Variants in XKR5 observed in about 807,000 individuals in gnomAD.
XKR5 encodes the protein XK-related protein 5.
In XKR5, 46 loss-of-function variants were observed where a neutral mutation model predicts 40.8. The ratio of observed to expected loss-of-function variants is 1.13; its 90% CI spans 0.89 to 1.44. The LOEUF (loss-of-function observed/expected upper bound fraction) is 1.44. Ranked by LOEUF, XKR5 falls within the 40% of genes most tolerant of loss-of-function variation. The pLI is 0.00. For missense variants in XKR5, 1,169 were observed against 844.7 expected (o/e 1.38, Z -4.76); for synonymous variants, 466 against 356.1 (o/e 1.31, Z -3.48).
intron 6 of XKR5, among the ~76,000 whole-genome samples, chr8:6,815,243 G>C (rs1054246462): frequency 6.6e-6 from 1 of 152,200 alleles, no homozygotes. Context: ...ATCACCGTGG[G>C]TGTGACACAG....
At chr8:6,829,740 C>T (rs28715575) in intron 2 of XKR5, among the ~76,000 whole-genome samples, 102 of 151,124 alleles carry the variant, frequency 6.7e-4, no homozygotes, top group African/African-American at 2.4e-3. Context: ...TGGTTTAGAA[C>T]TCCTGGCCTC....
rs1400510658 is a variant in XKR5, at chr8:6,811,269, TA to T, written c.1989del (p.Lys664SerfsTer15). 1.3e-6 allele frequency: 2 copies of T among 1,537,284 alleles called. No individual in the cohort carries two copies. The highest frequency in any genetic ancestry group is 1.7e-6 in the Non-Finnish European group (2 of 1,146,922). On this transcript the variant is annotated frameshift_variant, in exon 7 of 7. Transcript: ENST00000618742. LOFTEE classifies it low-confidence loss of function (END_TRUNC). The part of the protein sequence containing the change: ...TAHEPCLTST[P>X]KSESIQTDCS... ...CAGTCCGTTTGGATAGACTCAGACTTAGGGGTGGACGTGAGGCAGGGCTCAT... is the reference window on the plus strand; with the variant it reads ...CAGTCCGTTTGGATAGACTCAGACTTGGGGTGGACGTGAGGCAGGGCTCAT...
At position 6,811,191 on chromosome 8, in the gene XKR5, A is replaced by G; in HGVS notation, c.*7T>C. 1 of 1,532,400 alleles carries G rather than the reference A, an allele frequency of 6.5e-7. No homozygotes were observed. The highest frequency in any genetic ancestry group is 1.4e-5 in the African/African-American group (1 of 73,052). 94.9% of individuals were successfully genotyped at this position (1,532,400 alleles called of 1,614,324 possible). On this transcript the variant is annotated 3_prime_UTR_variant, in exon 7 of 7. Transcript: ENST00000618742. The stretch of plus-strand genomic sequence containing the variant: ...CAGCCTGTTGTCTTATCCCACCATG[A>G]CTGTGGTCAGATGAAAAAACTCGGC...
At chr8:6,831,758 G>C (rs1437732490) in intron 2 of XKR5, among the ~76,000 whole-genome samples, 6 of 152,186 alleles carry the variant, frequency 3.9e-5, no homozygotes, top group South Asian at 2.1e-4. Flanking sequence ...GCTCACGCCT[G>C]TAATCCCAGC....
chr8:6,819,352 G>A (rs1158140796), intron 5 of XKR5, among the ~76,000 whole-genome samples: 2 of 152,334 alleles, frequency 1.3e-5, no homozygotes, highest in African/African-American at 2.4e-5. Context: ...TGCCAGCAGG[G>A]TGCACATCTC....
chr8:6,828,033 C>T (rs1410083664), intron 2 of XKR5, among the ~76,000 whole-genome samples: 3 of 151,940 alleles, frequency 2.0e-5, no homozygotes, highest in Admixed American at 6.6e-5. Context: ...TATGCCACTG[C>T]ACTCCAGCCT....
intron 4 of XKR5, 100 bp downstream of exon 4, chr8:6,823,421 G>A: frequency 4.6e-6 from 6 of 1,292,602 alleles, no homozygotes; most frequent in Non-Finnish European, 6.5e-6. Flanking sequence ...TCAGCCTTCA[G>A]GCCTGGGATT....
intron 2 of XKR5, among the ~76,000 whole-genome samples, chr8:6,826,635 C>T (rs1449995832): frequency 6.6e-6 from 1 of 152,104 alleles, no homozygotes; most frequent in Non-Finnish European, 1.5e-5. Flanking sequence ...ATTTCTTCAG[C>T]AGTGAGGAAT....
intron 2 of XKR5, among the ~76,000 whole-genome samples, chr8:6,827,463 T>G (rs1472701787): frequency 1.3e-5 from 2 of 152,170 alleles, no homozygotes; most frequent in African/African-American, 4.8e-5. Context: ...AGCAGAAGAT[T>G]CGGGGACTCC....
At chr8:6,833,272 C>G (rs1191381130) in intron 1 of XKR5, among the ~76,000 whole-genome samples, 1 of 152,246 alleles carries the variant, frequency 6.6e-6, no homozygotes, top group Non-Finnish European at 1.5e-5. Context: ...GAAGCTGGTG[C>G]TCTGCCCTAG....
In XKR5 at chr8:6,832,712, C is replaced by T; in HGVS notation, c.242+5G>A. The T allele has an allele frequency of 1.2e-6, 2 of 1,612,928 alleles. No homozygotes were observed. Among genetic ancestry groups the T allele is most frequent in the Non-Finnish European group, 1.7e-6 (2 of 1,179,486 alleles). On this transcript the variant is annotated splice_donor_5th_base_variant and intron_variant, in intron 2 of 6. Coordinates refer to ENST00000618742, the MANE Select transcript of XKR5 (RefSeq NM_207411.5). ...TCCAGAGGTGAAAGAGGCAGCTGTT[C>T]TTACCGCTTCCAAACACCAAGCTGT...
rs552834256 is a variant in XKR5, at chr8:6,811,938, G to A, written c.1321C>T (p.Gln441Ter). The stretch of plus-strand genomic sequence containing the variant: ...AAGGCCTTTCTCTGCAGGTAGTCCT[G>A]TTGACTCAACCCCCATGCAGGTGGA... ...YCPPAWGLSQ[Q>*]DYLQRKALSA... Residue 441 changes from glutamine to a stop codon, truncating the protein, a stop_gained, in exon 7 of 7, where the codon CAG becomes TAG. Coordinates refer to ENST00000618742, the MANE Select transcript of XKR5 (RefSeq NM_207411.5). LOFTEE classifies it low-confidence loss of function (END_TRUNC). 1.3e-6 allele frequency: 2 copies of A among 1,537,392 alleles called. No homozygotes were observed. Among genetic ancestry groups the A allele is most frequent in the African/African-American group, 1.4e-5 (1 of 73,190 alleles).
At position 6,811,616 on chromosome 8, in the gene XKR5, G is replaced by C. The variant is rs1234200678; in HGVS notation, c.1643C>G (p.Ala548Gly). ...TTGTTGTGAGGATGTGGCCACTTCT[G>C]CAGTGGCGCTGAAGTACAACGTGGA... is the stretch of plus-strand genomic sequence containing the variant. ...QSSTLYFSAT[A>G]EVATSSQQEG... Residue 548 changes from alanine to glycine, a missense_variant, in exon 7 of 7, where the codon GCA becomes GGA. Physicochemically the swap from Ala to Gly is moderately conservative, Grantham distance 60 (BLOSUM62 0). Coordinates refer to ENST00000618742, the MANE Select transcript of XKR5 (RefSeq NM_207411.5). 3.9e-6 allele frequency: 6 copies of C among 1,537,452 alleles called. No individual in the cohort carries two copies. The East Asian group carries it at 9.8e-5, about 25-fold the overall frequency.
In XKR5 at chr8:6,811,309, C is replaced by T. The variant is rs887377990; in HGVS notation, c.1950G>A (p.Gln650=). ...GGCAGGGCTCATGGGCAGTCCTCAG[C>T]TGTGGCAATGACACCCACACACCAA... The part of the protein sequence containing the change: ...AAVGVWVSLP[Q]LRTAHEPCLT... The change falls in exon 7 of 7, where the codon CAG becomes CAA. Residue 650 remains glutamine (Q), a synonymous_variant. Coordinates refer to ENST00000618742, the MANE Select transcript of XKR5 (RefSeq NM_207411.5). 1.0e-5 allele frequency: 16 copies of T among 1,537,336 alleles called. No homozygotes were observed. In the East Asian group the frequency reaches 3.9e-4, roughly 38 times the overall value.
At chr8:6,826,534 C>T (rs1804488809) in intron 2 of XKR5, among the ~76,000 whole-genome samples, 1 of 152,060 alleles carries the variant, frequency 6.6e-6, no homozygotes, top group South Asian at 2.1e-4. Context: ...GTTGCAGTGG[C>T]TTTGAGGTTT....
At chr8:6,830,976 C>T (rs1030085191) in intron 2 of XKR5, among the ~76,000 whole-genome samples, 2 of 152,158 alleles carry the variant, frequency 1.3e-5, no homozygotes, top group African/African-American at 4.8e-5. Flanking sequence ...GTCCACACAG[C>T]CTCAGAAGGC....
chr8:6,829,597 C>A (rs1172218058), intron 2 of XKR5, among the ~76,000 whole-genome samples: 1 of 152,168 alleles, frequency 6.6e-6, no homozygotes, highest in Non-Finnish European at 1.5e-5. Flanking sequence ...CTCACTGTAA[C>A]CTCTACTTCC....
chr8:6,823,812 C>T, intron 3 of XKR5, 82 bp from the exon 4 acceptor site: 1 of 1,211,584 alleles, frequency 8.3e-7, no homozygotes, highest in Non-Finnish European at 1.2e-6. Context: ...CATGGCATTT[C>T]TTTAATGGGA....
At chr8:6,833,914 C>G (rs976466271) in intron 1 of XKR5, among the ~76,000 whole-genome samples, 13 of 152,310 alleles carry the variant, frequency 8.5e-5, no homozygotes, top group South Asian at 4.2e-4. Context: ...TCCTCGAGAA[C>G]GATGAAACCT....
Sources: gnomAD v4.1 joint callset for allele counts (sites outside exome capture counted in the v4.1 genomes callset) on GRCh38, gnomAD v4.1.1 for gene constraint, MANE v1.5 for transcripts, NCBI Gene and HGNC (gene_info 2026-07-23, HGNC 2026-07-21) for gene names.